The following DNAH8 variants were observed in gnomAD, a reference collection of about 807,000 sequenced individuals.
The protein encoded by DNAH8 is dynein axonemal heavy chain 8.
Under a neutral mutation model 562.1 loss-of-function variants are expected in DNAH8, and 382 were observed. That is an observed-to-expected ratio of 0.68 (90% confidence interval 0.63 to 0.74). The LOEUF is 0.74. DNAH8 is among the 30% of genes least tolerant of loss of function. The pLI is 0.00. For synonymous variants in DNAH8, 1,881 were observed against 1,919.4 expected (o/e 0.98, Z 0.52); for missense variants, 5,203 against 5,620.4 (o/e 0.93, Z 2.37).
At chr6:38,966,324 G>C (rs1317701535) in intron 82 of DNAH8, among the ~76,000 whole-genome samples, 1 of 152,162 alleles carries the variant, frequency 6.6e-6, no homozygotes, top group Admixed American at 6.5e-5. Context: ...GCCATAAGAA[G>C]TATGGAGATT....
In DNAH8 at chr6:38,870,415, AC is replaced by A; in HGVS notation, c.6847del (p.Leu2283CysfsTer5). ...NLSKLVDEDE[P>X]LFLSLINDLF... is the part of the protein sequence containing the mutation. The stretch of plus-strand genomic sequence containing the variant: ...TGCCACCTTAGGTTGATGAAGATGA[AC>A]CCCTGTTCCTCAGCTTAATCAATGA... On this transcript the variant is annotated frameshift_variant, in exon 49 of 93. Coordinates refer to ENST00000327475, the MANE Select transcript of DNAH8 (RefSeq NM_001206927.2). LOFTEE classifies it high-confidence loss of function. The A allele has an allele frequency of 6.2e-7, 1 of 1,612,754 alleles. No homozygotes were observed.
At chr6:38,720,557 T>A (rs1413214305) in intron 1 of DNAH8, among the ~76,000 whole-genome samples, 1 of 152,044 alleles carries the variant, frequency 6.6e-6, no homozygotes, top group African/African-American at 2.4e-5. Context: ...AGTGACCTAG[T>A]GAAAAACAAA....
rs7772516 is a variant in DNAH8 at position 38,931,638 on chromosome 6, T to C, written c.11275-173T>C. On this transcript the variant is annotated intron_variant, in intron 75 of 92. Coordinates refer to ENST00000327475, the MANE Select transcript of DNAH8 (RefSeq NM_001206927.2). ...CAGGCAGGACTACAATTCTAAATTATTCTAAATTGAATAGGCTTTATTATT... is the reference window on the plus strand; with the variant it reads ...CAGGCAGGACTACAATTCTAAATTACTCTAAATTGAATAGGCTTTATTATT... Among the ~76,000 whole-genome samples, 5,270 of 152,284 alleles carry C rather than the reference T, an allele frequency of 0.035. 259 individuals carry two copies. Among genetic ancestry groups the C allele is most frequent in the African/African-American group, 0.11 (4,568 of 41,542 alleles).
At chr6:38,986,965 G>A (rs1165461573) in intron 87 of DNAH8, among the ~76,000 whole-genome samples, 3 of 152,248 alleles carry the variant, frequency 2.0e-5, no homozygotes, top group African/African-American at 7.2e-5. Context: ...TATTACATCA[G>A]TGCCAAACTC....
intron 17 of DNAH8, among the ~76,000 whole-genome samples, chr6:38,785,437 T>A (rs1047165885): frequency 6.6e-6 from 1 of 152,216 alleles, no homozygotes; most frequent in African/African-American, 2.4e-5. Flanking sequence ...TCAAGCAAGC[T>A]CAGTACAGTT....
Position 38,734,326 on chromosome 6 carries a change from A to ACG in DNAH8, c.611-147_611-146insGC, listed in dbSNP as rs1554195317. 1.8e-5 allele frequency: 8 copies of ACG among 451,160 alleles called. 1 individual carries two copies. Among genetic ancestry groups the ACG allele is most frequent in the South Asian group, 1.6e-4 (6 of 37,048 alleles). 27.9% of individuals were successfully genotyped at this position (451,160 alleles called of 1,614,324 possible). On this transcript the variant is annotated intron_variant, in intron 4 of 92. Transcript: ENST00000327475. ...TGTAATTATTGGCATCTTCTAGTAG[A>ACG]CCCCCCCCCAAAAAAATTATTCTAT...
chr6:38,973,755 C>A lies in DNAH8; in HGVS notation c.12620C>A (p.Ser4207Tyr). The A allele has an allele frequency of 6.2e-7, 1 of 1,610,928 alleles. No homozygotes were observed. Among genetic ancestry groups the A allele is most frequent in the Non-Finnish European group, 8.5e-7 (1 of 1,178,456 alleles). Residue 4207 changes from serine to tyrosine, a missense_variant, in exon 84 of 93, where the codon TCT (serine) becomes TAT (tyrosine). Physicochemically the swap from Ser to Tyr is moderately radical, Grantham distance 144 (BLOSUM62 -2). Coordinates refer to ENST00000327475, the MANE Select transcript of DNAH8 (RefSeq NM_001206927.2). ...TLITTEASDDSFRVWITTEPH... is the reference protein window; with the variant it reads ...TLITTEASDDYFRVWITTEPH... ...ATTACCACTGAAGCCAGTGATGATTCTTTCCGAGTATGGATAACTACGGAG... is the reference window on the plus strand; with the variant it reads ...ATTACCACTGAAGCCAGTGATGATTATTTCCGAGTATGGATAACTACGGAG...
intron 21 of DNAH8, among the ~76,000 whole-genome samples, chr6:38,801,892 G>T (rs1275876303): frequency 2.6e-5 from 4 of 152,140 alleles, no homozygotes; most frequent in Non-Finnish European, 5.9e-5. Flanking sequence ...TGCATGGACA[G>T]ACTTGGGATC....
rs759171808 is a variant in DNAH8 at position 38,915,281 on chromosome 6, A to G, written c.10044A>G (p.Gln3348=). 1.9e-6 allele frequency: 3 copies of G among 1,611,468 alleles called. No homozygotes were observed. Among genetic ancestry groups the G allele is most frequent in the East Asian group, 2.2e-5 (1 of 44,664 alleles). Residue 3348 remains glutamine, a synonymous_variant, in exon 68 of 93, where the codon CAA becomes CAG. Coordinates refer to ENST00000327475, the MANE Select transcript of DNAH8 (RefSeq NM_001206927.2). Reference sequence around the variant, plus strand: ...TACAGGAGGTAAAGGACAAAGCCCAAAAAATTGTGGATGAAATTGATAGTG... The same window carrying G: ...TACAGGAGGTAAAGGACAAAGCCCAGAAAATTGTGGATGAAATTGATAGTG... ...NEVQEVKDKA[Q]KIVDEIDSEK...
chr6:38,903,348 G>A (rs1465525249), intron 62 of DNAH8, among the ~76,000 whole-genome samples: 1 of 152,122 alleles, frequency 6.6e-6, no homozygotes, highest in Non-Finnish European at 1.5e-5. Context: ...TATTGTGAGA[G>A]CTGGAGTGAG....
At chr6:39,001,180 G>A (rs1765457123) in intron 88 of DNAH8, among the ~76,000 whole-genome samples, 1 of 152,016 alleles carries the variant, frequency 6.6e-6, no homozygotes, top group Admixed American at 6.6e-5. Context: ...TTTTAAATTG[G>A]AATACGGTTA....
intron 48 of DNAH8, among the ~76,000 whole-genome samples, chr6:38,868,506 A>G (rs1340800959): frequency 6.6e-6 from 1 of 152,204 alleles, no homozygotes; most frequent in African/African-American, 2.4e-5. Context: ...CAGCATAAGA[A>G]TCTGGATTCA....
In DNAH8 at chr6:38,884,004, G is replaced by A. The variant is rs112605623; in HGVS notation, c.8259+6G>A. 1,827 of 1,528,264 alleles carry A rather than the reference G, an allele frequency of 1.2e-3. 16 individuals carry two copies. The African/African-American group carries it at 0.019, about 16-fold the overall frequency. 94.7% of individuals were successfully genotyped at this position (1,528,264 alleles called of 1,614,324 possible). On this transcript the variant is annotated splice_donor_region_variant and intron_variant, in intron 56 of 92. Transcript: ENST00000327475. Reference sequence around the variant, plus strand: ...TTAATGAGTGGGGAGATCAGGTATGGCTGAAATATCTCATATAGATGATCC... The same window carrying A: ...TTAATGAGTGGGGAGATCAGGTATGACTGAAATATCTCATATAGATGATCC...
intron 16 of DNAH8, among the ~76,000 whole-genome samples, chr6:38,782,366 C>T (rs369342689): frequency 1.3e-5 from 2 of 151,970 alleles, no homozygotes; most frequent in Admixed American, 6.6e-5. Flanking sequence ...CTGCAACCTC[C>T]GCATCCTGGG....
At chr6:38,936,886 GCTGTTCGCAGATATGGGAA>G (rs932174621) in intron 77 of DNAH8, among the ~76,000 whole-genome samples, 2 of 152,170 alleles carry the variant, frequency 1.3e-5, no homozygotes, top group Middle Eastern at 3.2e-3. Flanking sequence ...CCAGAGTGCT[GCTGTTCGCAGATATGGGAA>G]CTGTTCGCAG....
chr6:38,974,489 C>T lies in DNAH8; in HGVS notation c.12794C>T (p.Pro4265Leu), dbSNP rs371913220. 23 of 1,613,778 alleles carry T rather than the reference C, an allele frequency of 1.4e-5. No individual in the cohort carries two copies. The highest frequency in any genetic ancestry group is 8.8e-5 in the South Asian group (8 of 91,074). Reference protein sequence around the residue: ...LDISNLPMWKPMLYTVAFLHS... With the variant: ...LDISNLPMWKLMLYTVAFLHS... ...ATCAGTAATTTACCCATGTGGAAGCCGATGCTTTACACAGTAGCATTTTTA... is the reference window on the plus strand; with the variant it reads ...ATCAGTAATTTACCCATGTGGAAGCTGATGCTTTACACAGTAGCATTTTTA... The change falls in exon 85 of 93, where the codon CCG becomes CTG. Residue 4265 changes from proline (P) to leucine (L), a missense_variant. Physicochemically the swap from Pro to Leu is moderately conservative, Grantham distance 98 (BLOSUM62 -3). Around this residue, in one of 6 missense-constraint regions of DNAH8, gnomAD observed 1,399 missense variants for 1,518.4 expected, o/e 0.92. Transcript: ENST00000327475.
chr6:38,792,810 G>C (rs1482543413), intron 21 of DNAH8, among the ~76,000 whole-genome samples: 2 of 152,076 alleles, frequency 1.3e-5, no homozygotes, highest in Non-Finnish European at 2.9e-5. Context: ...ACAGGGTCTT[G>C]CTCTGTCACT....
rs532328652 is a variant in DNAH8, at chr6:38,911,942, A to T, written c.9859+356A>T. Among the ~76,000 whole-genome samples, 3 of 152,350 alleles carry T rather than the reference A, an allele frequency of 2.0e-5. No homozygotes were observed. The East Asian group carries it at 5.8e-4, about 29-fold the overall frequency. On this transcript the variant is annotated intron_variant, in intron 66 of 92. Coordinates refer to ENST00000327475, the MANE Select transcript of DNAH8 (RefSeq NM_001206927.2). The stretch of plus-strand genomic sequence containing the variant: ...CATTTTGATTTGCCTTGATTTGTAT[A>T]AACTTTGCCATGTTAATTTTCCCTA...
At position 38,814,044 on chromosome 6, in the gene DNAH8, C is replaced by T; in HGVS notation, c.3258-10C>T. 2 of 1,570,302 alleles carry T rather than the reference C, an allele frequency of 1.3e-6. No individual in the cohort carries two copies. The highest frequency in any genetic ancestry group is 1.7e-6 in the Non-Finnish European group (2 of 1,143,792). On this transcript the variant is annotated splice_polypyrimidine_tract_variant and intron_variant, in intron 24 of 92. Transcript: ENST00000327475. ...TAAGGTTCATCAGCTAAATGTCCAT[C>T]TCATTGCAGCCTTTATGGGCGAAAG...
Sources: gnomAD v4.1 joint callset for allele counts (sites outside exome capture counted in the v4.1 genomes callset) on GRCh38, gnomAD v4.1.1 for gene constraint, gnomAD v4.1.1 regional missense constraint, MANE v1.5 for transcripts, NCBI Gene and HGNC (gene_info 2026-07-23, HGNC 2026-07-21) for gene names.